EFCAB7: variants seen among roughly 807,000 people sequenced by gnomAD.
EFCAB7 encodes the protein EF-hand calcium-binding domain-containing protein 7.
In EFCAB7, 66 loss-of-function variants were observed where a neutral mutation model predicts 77.1. That is an observed-to-expected ratio of 0.86 (90% confidence interval 0.70 to 1.05). The LOEUF (loss-of-function observed/expected upper bound fraction) is 1.05, where lower values mean the gene tolerates loss of function less well. Among genes scored for constraint, EFCAB7 ranks in the 50% least tolerant of loss-of-function variants. EFCAB7 has a pLI of 0.00. For synonymous variants in EFCAB7, 225 were observed against 243.3 expected (o/e 0.92, Z 0.70); for missense variants, 638 against 730.5 (o/e 0.87, Z 1.46).
intron 13 of EFCAB7, 53 bp from the exon 14 acceptor site, chr1:63,572,389 C>A: frequency 6.8e-7 from 1 of 1,473,020 alleles, no homozygotes; most frequent in Admixed American, 2.2e-5. Context: ...AAAAATTAGC[C>A]AAAAGTAACA....
chr1:63,556,769 T>A (rs1647035482), intron 9 of EFCAB7, among the ~76,000 whole-genome samples: 1 of 151,690 alleles, frequency 6.6e-6, no homozygotes. Flanking sequence ...ACGCCTGTAA[T>A]CCCAGCACTT....
chr1:63,523,726 T>A (rs1646520125), intron 1 of EFCAB7, 92 bp downstream of exon 1: 1 of 161,064 alleles, frequency 6.2e-6, no homozygotes, highest in African/African-American at 2.4e-5. Flanking sequence ...TACTTCTCTG[T>A]CATAAACATT....
At position 63,534,182 on chromosome 1, in the gene EFCAB7, G is replaced by A. The variant is rs1224381219; in HGVS notation, c.770G>A (p.Arg257Gln). 7 of 1,612,810 alleles carry A rather than the reference G, an allele frequency of 4.3e-6. No individual in the cohort carries two copies. Among genetic ancestry groups the A allele is most frequent in the East Asian group, 4.5e-5 (2 of 44,804 alleles). The change falls in exon 6 of 14, where the codon CGA (arginine) becomes CAA (glutamine). Residue 257 changes from arginine (R) to glutamine (Q), a missense_variant. Physicochemically the swap from Arg to Gln is conservative, Grantham distance 43. Coordinates refer to ENST00000371088, the MANE Select transcript of EFCAB7 (RefSeq NM_032437.4). The part of the protein sequence containing the change: ...FTVTMGANGN[R>Q]NSKLMEPNLI... ...GTTACCATGGGGGCTAATGGTAACCGAAACTCAAAGTTAATGGAGCCAAAT... is the reference window on the plus strand; with the variant it reads ...GTTACCATGGGGGCTAATGGTAACCAAAACTCAAAGTTAATGGAGCCAAAT...
intron 6 of EFCAB7, among the ~76,000 whole-genome samples, chr1:63,537,444 G>A (rs1029336278): frequency 1.9e-4 from 29 of 152,066 alleles, no homozygotes; most frequent in African/African-American, 7.0e-4. Context: ...AACATATATA[G>A]CATCTACATT....
intron 2 of EFCAB7, among the ~76,000 whole-genome samples, chr1:63,528,780 ATAT>A (rs1436767987): frequency 1.3e-5 from 2 of 152,170 alleles, no homozygotes; most frequent in African/African-American, 4.8e-5. Flanking sequence ...ATTTTATATA[ATAT>A]TCATTGTCAT....
In EFCAB7 at chr1:63,533,337, A is replaced by G. The variant is rs749374442; in HGVS notation, c.487-117A>G. 1.8e-4 allele frequency: 131 copies of G among 710,460 alleles called. No homozygotes were observed. The Middle Eastern group carries it at 5.9e-3, about 32-fold the overall frequency. The allele number at this position is 710,460 out of a possible 1,614,324, so 44.0% of individuals were successfully genotyped here. On this transcript the variant is annotated intron_variant, in intron 4 of 13. Coordinates refer to ENST00000371088, the MANE Select transcript of EFCAB7 (RefSeq NM_032437.4). ...AAAAAAATAAAATGCGTAACCATCA[A>G]TAGGAAATATATTCCATCTATCAGT...
chr1:63,525,415 A>G (rs1404547287), intron 1 of EFCAB7, among the ~76,000 whole-genome samples, 157 bp from the exon 2 acceptor site: 1 of 152,200 alleles, frequency 6.6e-6, no homozygotes, highest in Admixed American at 6.5e-5. Flanking sequence ...TTACTTCCAC[A>G]TATAAAACTT....
chr1:63,532,575 C>A (rs1235112512), intron 3 of EFCAB7, 95 bp from the exon 4 acceptor site: 1 of 831,420 alleles, frequency 1.2e-6, no homozygotes, highest in Non-Finnish European at 1.8e-6. Flanking sequence ...TTCAGACTTA[C>A]TTGTGGAAAA....
At chr1:63,541,930 T>C (rs573228237) in intron 6 of EFCAB7, among the ~76,000 whole-genome samples, 39 of 152,340 alleles carry the variant, frequency 2.6e-4, no homozygotes, top group Non-Finnish European at 5.1e-4. Flanking sequence ...AAAATGGTTT[T>C]TCCTGTGGTA....
chr1:63,561,824 T>C lies in EFCAB7; in HGVS notation c.1464T>C (p.Ser488=), dbSNP rs752378007. 2 of 1,597,618 alleles carry C rather than the reference T, an allele frequency of 1.3e-6. No individual in the cohort carries two copies. The highest frequency in any genetic ancestry group is 2.3e-5 in the South Asian group (2 of 88,234). ...GTGACCTTTGGGTAACTCTACACTC[T>C]ATGGGCTACAATAAAGCTCTGGAGT... ...DPCDLWVTLH[S]MGYNKALELT... Residue 488 remains serine (S), a synonymous_variant, in exon 11 of 14, where the codon TCT becomes TCC. Transcript: ENST00000371088.
At chr1:63,557,302 T>C (rs1647044068) in intron 10 of EFCAB7, 55 bp downstream of exon 10, 4 of 1,482,094 alleles carry the variant, frequency 2.7e-6, no homozygotes, top group South Asian at 1.3e-5. Context: ...ATAGCACCTT[T>C]TCATCTCTAA....
intron 4 of EFCAB7, among the ~76,000 whole-genome samples, 180 bp from the exon 5 acceptor site, chr1:63,533,274 C>T (rs916669220): frequency 1.3e-5 from 2 of 152,134 alleles, no homozygotes; most frequent in African/African-American, 4.8e-5. Context: ...ATCACGGCTA[C>T]ATTTCACTAG....
chr1:63,561,661 T>A, intron 10 of EFCAB7, 48 bp from the exon 11 acceptor site: 1 of 1,240,964 alleles, frequency 8.1e-7, no homozygotes, highest in Non-Finnish European at 1.1e-6. Context: ...TTATTAAAGT[T>A]ATGAATTTTT....
Position 63,523,540 on chromosome 1 carries a change from T to A in EFCAB7, c.-96T>A, listed in dbSNP as rs1646514038. On this transcript the variant is annotated 5_prime_UTR_variant, in exon 1 of 14. Coordinates refer to ENST00000371088, the MANE Select transcript of EFCAB7 (RefSeq NM_032437.4). ...GGTGAGGTGCAGTTGCCATGGTGATTAGAGAAAGGCCGAGATCTGTCCAGC... is the reference window on the plus strand; with the variant it reads ...GGTGAGGTGCAGTTGCCATGGTGATAAGAGAAAGGCCGAGATCTGTCCAGC... 1 of 262,204 alleles carries A rather than the reference T, an allele frequency of 3.8e-6. No homozygotes were observed. The highest frequency in any genetic ancestry group is 5.0e-5 in the Admixed American group (1 of 19,988). 16.2% of individuals were successfully genotyped at this position (262,204 alleles called of 1,614,324 possible). A position where few individuals can be genotyped will look rare whatever the true frequency, so the allele number is the denominator to read the frequency against.
At chr1:63,575,943 C>A (rs1647399994), downstream of EFCAB7, among the ~76,000 whole-genome samples, 1 of 152,130 alleles carries the variant, frequency 6.6e-6, no homozygotes, top group Non-Finnish European at 1.5e-5. Flanking sequence ...ACTAAGTCTT[C>A]TTCTCCTAAT....
At chr1:63,538,456 T>C (rs2100882620) in intron 6 of EFCAB7, among the ~76,000 whole-genome samples, 1 of 151,514 alleles carries the variant, frequency 6.6e-6, no homozygotes, top group Non-Finnish European at 1.5e-5. Context: ...TTTTTTTTTC[T>C]TTTTCTTTTT....
chr1:63,543,707 T>C (rs1426035036), intron 6 of EFCAB7, among the ~76,000 whole-genome samples: 1 of 152,172 alleles, frequency 6.6e-6, no homozygotes, highest in Non-Finnish European at 1.5e-5. Flanking sequence ...CTATAATGAA[T>C]TAGAAAACAT....
At chr1:63,549,912 C>CA (rs1242578088) in intron 7 of EFCAB7, 1 of 156,622 alleles carries the variant, frequency 6.4e-6, no homozygotes, top group Admixed American at 6.5e-5. Flanking sequence ...GGAATTTATG[C>CA]AAAAAACATG....
intron 11 of EFCAB7, among the ~76,000 whole-genome samples, chr1:63,566,548 T>C (rs1647175801): frequency 6.6e-6 from 1 of 152,202 alleles, no homozygotes; most frequent in Non-Finnish European, 1.5e-5. Flanking sequence ...CATGGACCTT[T>C]TAAGATGTTT....
Sources: gnomAD v4.1 joint callset for allele counts (sites outside exome capture counted in the v4.1 genomes callset) on GRCh38, gnomAD v4.1.1 for gene constraint, MANE v1.5 for transcripts, NCBI Gene and HGNC (gene_info 2026-07-23, HGNC 2026-07-21) for gene names.